MAP2: variants seen among roughly 807,000 people sequenced by gnomAD.
The protein encoded by MAP2 is microtubule associated protein 2.
MAP2 carries 14 observed loss-of-function variants against 137.6 expected under a neutral mutation model. The observed-to-expected ratio is 0.10, with a 90% CI of 0.07 to 0.16. MAP2 has a LOEUF of 0.16. MAP2 is among the 10% of genes least tolerant of loss of function. The pLI, the probability that MAP2 is intolerant of heterozygous loss-of-function variation, is 1.00. For missense variants in MAP2, 2,088 were observed against 2,191.5 expected, an observed-to-expected ratio of 0.95 and a Z score of 0.94; for synonymous variants, 786 against 782.3, an observed-to-expected ratio of 1.00 and a Z score of -0.08.
chr2:209,730,592 A>G lies in MAP2; in HGVS notation c.*195A>G, dbSNP rs1459296275. 1 of 577,320 alleles carries G rather than the reference A, an allele frequency of 1.7e-6. No individual in the cohort carries two copies. Among genetic ancestry groups the G allele is most frequent in the Admixed American group, 3.0e-5 (1 of 33,148 alleles). The allele number at this position is 577,320 out of a possible 1,614,324, so 35.8% of individuals were successfully genotyped here. A position where few individuals can be genotyped will look rare whatever the true frequency, so the allele number is the denominator to read the frequency against. Reference sequence around the variant, plus strand: ...AGAAATTGACCTGATTTCCATTTGCAACAGGAAGACACTGGCTTTACATGG... The same window carrying G: ...AGAAATTGACCTGATTTCCATTTGCGACAGGAAGACACTGGCTTTACATGG... On this transcript the variant is annotated 3_prime_UTR_variant, in exon 16 of 16. Coordinates refer to ENST00000682079, the MANE Select transcript of MAP2 (RefSeq NM_001375505.1).
At chr2:209,532,256 A>G (rs922140936) in intron 2 of MAP2, among the ~76,000 whole-genome samples, 16 of 151,762 alleles carry the variant, frequency 1.1e-4, no homozygotes, top group Non-Finnish European at 1.6e-4. Context: ...AAAAAAAAAA[A>G]AAGAAGAGAA....
At chr2:209,621,019 ACT>A (rs1317883816) in intron 3 of MAP2, among the ~76,000 whole-genome samples, 1 of 151,832 alleles carries the variant, frequency 6.6e-6, no homozygotes, top group Non-Finnish European at 1.5e-5. Context: ...ACATGGTGAA[ACT>A]CTGTCTCTAC....
chr2:209,610,124 G>C (rs2086299162), intron 3 of MAP2, among the ~76,000 whole-genome samples: 2 of 152,066 alleles, frequency 1.3e-5, no homozygotes, highest in Admixed American at 1.3e-4. Context: ...TGTCAAGGAG[G>C]ATATTTTAGC....
Position 209,560,613 on chromosome 2 carries a change from G to A in MAP2, c.-171-19423G>A, listed in dbSNP as rs886220197. On this transcript the variant is annotated intron_variant, in intron 2 of 15. Coordinates refer to ENST00000682079, the MANE Select transcript of MAP2 (RefSeq NM_001375505.1). ...CCCACCCCTCAGGCTCTCAAAGTGC[G>A]GGGATTACAAACATGAGGCACTGCA... is the stretch of plus-strand genomic sequence containing the variant. Among the ~76,000 whole-genome samples the A allele has an allele frequency of 5.3e-5, 8 of 151,874 alleles. No individual in the cohort carries two copies. The South Asian group carries it at 6.3e-4, about 12-fold the overall frequency.
At chr2:209,611,867 G>A (rs1361819537) in intron 3 of MAP2, among the ~76,000 whole-genome samples, 2 of 152,104 alleles carry the variant, frequency 1.3e-5, no homozygotes, top group Non-Finnish European at 2.9e-5. Flanking sequence ...TTTGCTCCAA[G>A]TTGTTACAAT....
chr2:209,445,134 G>A (rs1698755723), intron 1 of MAP2, among the ~76,000 whole-genome samples: 1 of 151,536 alleles, frequency 6.6e-6, no homozygotes, highest in South Asian at 2.1e-4. Context: ...TAACACATAA[G>A]TATCTAATTA....
chr2:209,485,868 A>G (rs1354178087), intron 1 of MAP2, among the ~76,000 whole-genome samples: 2 of 152,186 alleles, frequency 1.3e-5, no homozygotes, highest in African/African-American at 2.4e-5. Context: ...TTAGTTGGAA[A>G]TGTTCCCTTC....
chr2:209,554,679 T>C (rs2070088257), intron 2 of MAP2, among the ~76,000 whole-genome samples: 1 of 151,864 alleles, frequency 6.6e-6, no homozygotes, highest in Admixed American at 6.6e-5. Flanking sequence ...GAGCCTGGGA[T>C]GTTGAGGCTG....
At chr2:209,487,299 G>C (rs1057395357) in intron 1 of MAP2, among the ~76,000 whole-genome samples, 2 of 152,172 alleles carry the variant, frequency 1.3e-5, no homozygotes, top group African/African-American at 4.8e-5. Flanking sequence ...CATTGCCAAA[G>C]CTTTCAGGAA....
intron 12 of MAP2, among the ~76,000 whole-genome samples, chr2:209,706,645 A>G (rs2063517700): frequency 6.6e-6 from 1 of 151,986 alleles, no homozygotes; most frequent in African/African-American, 2.4e-5. Flanking sequence ...TTCTACATTT[A>G]TTGGGAGGAA....
At chr2:209,466,266 C>A (rs959264709) in intron 1 of MAP2, among the ~76,000 whole-genome samples, 1 of 151,938 alleles carries the variant, frequency 6.6e-6, no homozygotes. Flanking sequence ...ATTAAAAGAC[C>A]CCCTACAAAT....
At chr2:209,477,511 C>T (rs1707583657) in intron 1 of MAP2, among the ~76,000 whole-genome samples, 1 of 151,890 alleles carries the variant, frequency 6.6e-6, no homozygotes. Context: ...TTACAATTGT[C>T]TTTAGTGGAG....
At chr2:209,659,473 C>G (rs1490773863) in intron 5 of MAP2, among the ~76,000 whole-genome samples, 1 of 152,190 alleles carries the variant, frequency 6.6e-6, no homozygotes, top group Non-Finnish European at 1.5e-5. Context: ...CTATCCCCAT[C>G]TGCCACATTC....
chr2:209,494,256 G>C (rs2059472771), intron 1 of MAP2, among the ~76,000 whole-genome samples: 1 of 151,936 alleles, frequency 6.6e-6, no homozygotes, highest in Admixed American at 6.6e-5. Context: ...ACAGGGCAGG[G>C]AACATCACAC....
chr2:209,595,729 G>C (rs554992654), intron 3 of MAP2, among the ~76,000 whole-genome samples: 1 of 152,188 alleles, frequency 6.6e-6, no homozygotes, highest in Non-Finnish European at 1.5e-5. Flanking sequence ...TGATAGACTG[G>C]ATTAAGAAAA....
chr2:209,692,901 G>A lies in MAP2; in HGVS notation c.731G>A (p.Ser244Asn), dbSNP rs549256225. The A allele has an allele frequency of 3.1e-6, 5 of 1,614,054 alleles. No individual in the cohort carries two copies. The African/African-American group carries it at 5.3e-5, about 17-fold the overall frequency. ...GACATGAAACAGAAGACAGAACCAA[G>A]CCTTGTAGTACCTGGCATTGACCTC... ...LEDMKQKTEPSLVVPGIDLPK... is the reference protein window; with the variant it reads ...LEDMKQKTEPNLVVPGIDLPK... The change falls in exon 8 of 16, where the codon AGC becomes AAC. Residue 244 changes from serine to asparagine, a missense_variant. This residue lies in a region of MAP2 where 859 missense variants were observed against 794.5 expected (regional missense o/e 1.08). Coordinates refer to ENST00000682079, the MANE Select transcript of MAP2 (RefSeq NM_001375505.1).
intron 2 of MAP2, among the ~76,000 whole-genome samples, chr2:209,527,122 G>T (rs2064184379): frequency 6.6e-6 from 1 of 152,082 alleles, no homozygotes; most frequent in Non-Finnish European, 1.5e-5. Flanking sequence ...CATTAGAATT[G>T]TCTCATTTTC....
chr2:209,664,219 A>C (rs1480435242), intron 5 of MAP2, among the ~76,000 whole-genome samples: 1 of 152,232 alleles, frequency 6.6e-6, no homozygotes, highest in Non-Finnish European at 1.5e-5. Context: ...TATTTTCTAT[A>C]ATATGTATGT....
At chr2:209,657,295 A>G (rs922825750) in intron 5 of MAP2, among the ~76,000 whole-genome samples, 1 of 152,228 alleles carries the variant, frequency 6.6e-6, no homozygotes, top group Non-Finnish European at 1.5e-5. Context: ...GATACCCAGT[A>G]GTGAGATTGC....
Sources: allele counts gnomAD v4.1 joint callset (sites outside exome capture counted in the v4.1 genomes callset), GRCh38; gene constraint gnomAD v4.1.1; regional missense constraint gnomAD v4.1.1; transcripts MANE v1.5; gene names NCBI Gene and HGNC (gene_info 2026-07-23, HGNC 2026-07-21).